EPB41L2: variants seen among roughly 807,000 people sequenced by gnomAD.
EPB41L2 encodes the protein erythrocyte membrane protein band 4.1 like 2.
In EPB41L2, 43 loss-of-function variants were observed where a neutral mutation model predicts 113.0. The ratio of observed to expected loss-of-function variants is 0.38; its 90% CI spans 0.30 to 0.49. The LOEUF is 0.49. Among genes scored for constraint, EPB41L2 ranks in the 20% least tolerant of loss-of-function variants. The pLI is 0.95. For synonymous variants in EPB41L2, 442 were observed against 436.7 expected (o/e 1.01, Z -0.15); for missense variants, 1,147 against 1,223.4 (o/e 0.94, Z 0.93).
intron 3 of EPB41L2, among the ~76,000 whole-genome samples, chr6:130,935,738 T>TA (rs1294076462): frequency 4.6e-5 from 7 of 152,230 alleles, no homozygotes; most frequent in African/African-American, 1.7e-4. Context: ...TTGTAGTTTT[T>TA]ATCTCCTGCA....
intron 7 of EPB41L2, 106 bp from the exon 8 acceptor site, chr6:130,899,684 C>G: frequency 2.0e-6 from 2 of 1,019,824 alleles, no homozygotes; most frequent in East Asian, 2.5e-5. Flanking sequence ...GAGAAAGTTA[C>G]CCAGCCAAGT....
intron 1 of EPB41L2, among the ~76,000 whole-genome samples, chr6:131,029,323 A>G (rs1481815809): frequency 2.0e-5 from 3 of 151,826 alleles, no homozygotes; most frequent in African/African-American, 7.3e-5. Context: ...TTAGGACTGA[A>G]AAGCATAACA....
chr6:130,871,655 C>G (rs73775327), intron 14 of EPB41L2, among the ~76,000 whole-genome samples: 3 of 152,146 alleles, frequency 2.0e-5, no homozygotes, highest in African/African-American at 7.2e-5. Flanking sequence ...TTCATTGACC[C>G]AAATTAATAC....
At chr6:130,936,394 T>C (rs557327795) in intron 3 of EPB41L2, among the ~76,000 whole-genome samples, 88 of 152,316 alleles carry the variant, frequency 5.8e-4, no homozygotes, top group Non-Finnish European at 1.0e-3. Context: ...GGTAAGTCCT[T>C]GGACACTAGG....
At chr6:130,858,349 G>T in intron 18 of EPB41L2, 106 bp from the exon 19 acceptor site, 1 of 761,010 alleles carries the variant, frequency 1.3e-6, no homozygotes, top group Non-Finnish European at 2.1e-6. Context: ...CTCAAGCCAA[G>T]AGGCACTCAC....
intron 1 of EPB41L2, among the ~76,000 whole-genome samples, chr6:131,027,264 A>G (rs915211788): frequency 3.9e-5 from 6 of 152,230 alleles, no homozygotes; most frequent in Admixed American, 3.9e-4. Context: ...GCAAGCCAGA[A>G]CCATCAGGTA....
chr6:130,988,502 T>C (rs1781090836), intron 1 of EPB41L2, among the ~76,000 whole-genome samples: 1 of 152,084 alleles, frequency 6.6e-6, no homozygotes, highest in African/African-American at 2.4e-5. Context: ...GTTTTAGTAA[T>C]ACAAAAATAG....
chr6:130,952,433 T>C (rs1436711166), intron 3 of EPB41L2, among the ~76,000 whole-genome samples: 1 of 150,832 alleles, frequency 6.6e-6, no homozygotes, highest in Non-Finnish European at 1.5e-5. Flanking sequence ...AGAAATACTA[T>C]ACAACAGTCT....
chr6:130,851,011 C>T (rs372724567), intron 19 of EPB41L2, among the ~76,000 whole-genome samples: 1 of 152,324 alleles, frequency 6.6e-6, no homozygotes, highest in South Asian at 2.1e-4. Context: ...AGTCAGTCCT[C>T]ATCTGAGGTG....
intron 1 of EPB41L2, chr6:131,062,284 G>A (rs1359571239): frequency 6.6e-6 from 1 of 151,976 alleles, no homozygotes; most frequent in East Asian, 1.9e-4. Context: ...TCAGGCTGCT[G>A]GGGGCAGCGT....
At chr6:130,951,908 T>G (rs982472314) in intron 3 of EPB41L2, among the ~76,000 whole-genome samples, 2 of 152,104 alleles carry the variant, frequency 1.3e-5, no homozygotes, top group Non-Finnish European at 2.9e-5. Flanking sequence ...AGGCTATTCT[T>G]TCAGTCTTGA....
intron 1 of EPB41L2, among the ~76,000 whole-genome samples, chr6:130,958,355 G>C (rs1445423693): frequency 6.6e-6 from 1 of 151,800 alleles, no homozygotes; most frequent in Non-Finnish European, 1.5e-5. Flanking sequence ...GGAAGGCTGA[G>C]GCAAGAGAAT....
At chr6:131,028,638 A>T (rs1033598635) in intron 1 of EPB41L2, among the ~76,000 whole-genome samples, 3 of 152,242 alleles carry the variant, frequency 2.0e-5, no homozygotes, top group Non-Finnish European at 4.4e-5. Context: ...AGAAAAAAAG[A>T]TCATACAGTC....
chr6:130,870,406 A>G, intron 14 of EPB41L2: 2 of 1,550,442 alleles, frequency 1.3e-6, no homozygotes, highest in Non-Finnish European at 8.7e-7. Flanking sequence ...GCAACCGAGG[A>G]CACAAAATCA....
At chr6:130,845,959 G>C (rs1031402344) in intron 19 of EPB41L2, among the ~76,000 whole-genome samples, 1 of 152,188 alleles carries the variant, frequency 6.6e-6, no homozygotes, top group Non-Finnish European at 1.5e-5. Context: ...TTACTTGAGA[G>C]AATCACTGAC....
At chr6:130,863,161 T>C (rs1230036623) in intron 18 of EPB41L2, among the ~76,000 whole-genome samples, 1 of 152,208 alleles carries the variant, frequency 6.6e-6, no homozygotes, top group African/African-American at 2.4e-5. Flanking sequence ...AACCTTGTAT[T>C]ACCTCCCCTC....
chr6:130,918,219 T>C (rs964610833), intron 4 of EPB41L2, among the ~76,000 whole-genome samples: 3 of 152,208 alleles, frequency 2.0e-5, no homozygotes, highest in Admixed American at 6.5e-5. Context: ...GAGTTTTTAG[T>C]TCTAGTTTCT....
chr6:130,854,911 G>A (rs1266731081), intron 19 of EPB41L2, among the ~76,000 whole-genome samples: 5 of 152,126 alleles, frequency 3.3e-5, no homozygotes, highest in East Asian at 1.9e-4. Flanking sequence ...GGTGGTGAGC[G>A]CCTGTAGTCC....
intron 1 of EPB41L2, chr6:131,015,967 AG>A (rs1788093568): frequency 6.6e-6 from 1 of 152,228 alleles, no homozygotes; most frequent in Admixed American, 6.5e-5. Context: ...TAAATGAAAA[AG>A]TCTGGACATT....
Sources: allele counts gnomAD v4.1 joint callset (sites outside exome capture counted in the v4.1 genomes callset), GRCh38; gene constraint gnomAD v4.1.1; transcripts MANE v1.5; gene names NCBI Gene and HGNC (gene_info 2026-07-23, HGNC 2026-07-21).